NKAIN2: variants seen among roughly 807,000 people sequenced by gnomAD.
The protein encoded by NKAIN2 is sodium/potassium-transporting ATPase subunit beta-1-interacting protein 2.
Under a neutral mutation model 32.6 loss-of-function variants are expected in NKAIN2, and 14 were observed. The observed-to-expected ratio is 0.43, with a 90% confidence interval of 0.28 to 0.67. The LOEUF is 0.67. Among genes scored for constraint, NKAIN2 ranks in the 30% least tolerant of loss-of-function variants. NKAIN2 has a pLI of 0.17. For missense variants in NKAIN2, 198 were observed against 258.3 expected (o/e 0.77, Z 1.60); for synonymous variants, 80 against 87.2 (o/e 0.92, Z 0.46).
At chr6:124,521,626 A>C (rs757211756) in intron 3 of NKAIN2, among the ~76,000 whole-genome samples, 16 of 152,128 alleles carry the variant, frequency 1.1e-4, no homozygotes, top group Non-Finnish European at 5.9e-5. Context: ...CTATAAGTAC[A>C]ATTTTCATTT....
intron 1 of NKAIN2, among the ~76,000 whole-genome samples, chr6:124,273,054 G>A (rs1562463830): frequency 1.3e-5 from 2 of 152,312 alleles, no homozygotes; most frequent in East Asian, 1.9e-4. Flanking sequence ...TCTCTCAGAT[G>A]AGATTTTAGA....
chr6:124,319,323 GAA>G (rs1213156381), intron 2 of NKAIN2, among the ~76,000 whole-genome samples: 2 of 152,050 alleles, frequency 1.3e-5, no homozygotes, highest in East Asian at 3.9e-4. Context: ...CAAATTTGGA[GAA>G]AACGCAAATG....
intron 1 of NKAIN2, among the ~76,000 whole-genome samples, chr6:123,851,390 C>T (rs1775342421): frequency 6.6e-6 from 1 of 150,928 alleles, no homozygotes; most frequent in Non-Finnish European, 1.5e-5. Context: ...GCTGGGATTA[C>T]AGGCATGCGC....
At chr6:124,290,516 G>GTT (rs1167429367) in intron 2 of NKAIN2, among the ~76,000 whole-genome samples, 6 of 117,406 alleles carry the variant, frequency 5.1e-5, no homozygotes, top group Non-Finnish European at 8.5e-5. Context: ...AGAAATGTGT[G>GTT]TGTGTGTGTG....
chr6:124,486,778 G>A (rs540889045), intron 3 of NKAIN2, among the ~76,000 whole-genome samples: 3 of 151,910 alleles, frequency 2.0e-5, no homozygotes, highest in Admixed American at 6.6e-5. Flanking sequence ...TAATTCCACA[G>A]AGAACCCATT....
chr6:124,337,117 TTTAA>T (rs1408999828), intron 2 of NKAIN2, among the ~76,000 whole-genome samples: 2 of 152,222 alleles, frequency 1.3e-5, no homozygotes, highest in African/African-American at 2.4e-5. Flanking sequence ...GCTGCAAAGC[TTTAA>T]TTCATATTAA....
At chr6:124,818,650 GA>G (rs1354231574) in intron 6 of NKAIN2, among the ~76,000 whole-genome samples, 182 bp downstream of exon 6, 1 of 151,796 alleles carries the variant, frequency 6.6e-6, no homozygotes, top group African/African-American at 2.4e-5. Context: ...TTTCTTATTT[GA>G]CTTATAAGAA....
chr6:124,507,682 T>G (rs1168829075), intron 3 of NKAIN2, among the ~76,000 whole-genome samples: 4 of 152,108 alleles, frequency 2.6e-5, no homozygotes, highest in African/African-American at 9.7e-5. Flanking sequence ...ATCCTAATAC[T>G]CAAAATACTA....
At chr6:124,718,168 A>G (rs1370222276) in intron 4 of NKAIN2, among the ~76,000 whole-genome samples, 1 of 152,142 alleles carries the variant, frequency 6.6e-6, no homozygotes, top group East Asian at 1.9e-4. Context: ...AACCATCACA[A>G]CAATCTAAGT....
At chr6:124,670,462 T>C (rs2114472057) in intron 4 of NKAIN2, among the ~76,000 whole-genome samples, 1 of 152,228 alleles carries the variant, frequency 6.6e-6, no homozygotes, top group East Asian at 1.9e-4. Flanking sequence ...ACATAGTTTA[T>C]AGAAATCTTC....
chr6:124,517,690 AT>A (rs904664306), intron 3 of NKAIN2, among the ~76,000 whole-genome samples: 2 of 152,122 alleles, frequency 1.3e-5, no homozygotes, highest in South Asian at 2.1e-4. Flanking sequence ...TCTATGTTAA[AT>A]TTTTTTCTGC....
intron 1 of NKAIN2, among the ~76,000 whole-genome samples, chr6:123,853,918 G>A (rs948035972): frequency 1.3e-5 from 2 of 151,974 alleles, no homozygotes; most frequent in African/African-American, 4.8e-5. Flanking sequence ...GACTACAGGT[G>A]CCCACCACCA....
chr6:124,735,784 A>G (rs951199064), intron 4 of NKAIN2, among the ~76,000 whole-genome samples: 2 of 151,834 alleles, frequency 1.3e-5, no homozygotes, highest in African/African-American at 4.8e-5. Context: ...TAAGATGGAG[A>G]ACTTAATCAA....
intron 1 of NKAIN2, among the ~76,000 whole-genome samples, chr6:123,847,196 C>G (rs1775130512): frequency 1.3e-5 from 2 of 152,210 alleles, no homozygotes; most frequent in South Asian, 4.1e-4. Flanking sequence ...TCTGCCATCT[C>G]TGAAGACATT....
At chr6:124,795,554 TATAGAG>T (rs1171229697) in intron 5 of NKAIN2, among the ~76,000 whole-genome samples, 1 of 152,184 alleles carries the variant, frequency 6.6e-6, no homozygotes, top group Admixed American at 6.5e-5. Flanking sequence ...GATTGATATT[TATAGAG>T]ATACTGTTTT....
intron 3 of NKAIN2, among the ~76,000 whole-genome samples, chr6:124,556,609 C>G (rs1332202140): frequency 1.3e-5 from 2 of 152,128 alleles, no homozygotes; most frequent in East Asian, 3.9e-4. Context: ...CCCCTAGAAA[C>G]ATGAGCCAAC....
At chr6:124,337,740 A>T (rs1797939296) in intron 2 of NKAIN2, among the ~76,000 whole-genome samples, 1 of 152,242 alleles carries the variant, frequency 6.6e-6, no homozygotes, top group South Asian at 2.1e-4. Context: ...CAGGTTGAGC[A>T]GACAGACTAT....
intron 1 of NKAIN2, among the ~76,000 whole-genome samples, chr6:124,100,581 T>A (rs914688462): frequency 1.3e-5 from 2 of 152,208 alleles, no homozygotes; most frequent in Non-Finnish European, 2.9e-5. Flanking sequence ...TGAGATGCGA[T>A]TGTATCAATA....
At chr6:123,908,757 A>C (rs1775015169) in intron 1 of NKAIN2, among the ~76,000 whole-genome samples, 1 of 152,166 alleles carries the variant, frequency 6.6e-6, no homozygotes, top group South Asian at 2.1e-4. Context: ...AGCGTTTTTA[A>C]ATTTTTTACT....
Sources: gnomAD v4.1 joint callset for allele counts (sites outside exome capture counted in the v4.1 genomes callset) on GRCh38, gnomAD v4.1.1 for gene constraint, MANE v1.5 for transcripts, NCBI Gene and HGNC (gene_info 2026-07-23, HGNC 2026-07-21) for gene names.